Variants in PCDHGB6 observed in about 807,000 individuals in gnomAD.
The protein encoded by PCDHGB6 is protocadherin gamma-B6.
In PCDHGB6, 51 loss-of-function variants were observed where a neutral mutation model predicts 59.1. That is an observed-to-expected ratio of 0.86 (90% CI 0.69 to 1.09). PCDHGB6 has a LOEUF of 1.09. Ranked by LOEUF, PCDHGB6 falls within the 50% of genes least tolerant of loss-of-function variation. The pLI is 0.00. For synonymous variants in PCDHGB6, 466 were observed against 495.1 expected (o/e 0.94, Z 0.78); for missense variants, 1,148 against 1,205.1 (o/e 0.95, Z 0.70).
At chr5:141,504,483 AGGCACC>A (rs2099838618) in intron 2 of PCDHGB6, among the ~76,000 whole-genome samples, 1 of 151,954 alleles carries the variant, frequency 6.6e-6, no homozygotes, top group Non-Finnish European at 1.5e-5. Flanking sequence ...AGTACAGTGG[AGGCACC>A]TGCCCAGTCT....
Position 141,485,418 on chromosome 5 carries a change from G to A in PCDHGB6, c.2419-9389G>A. ...CACTTCCGTGTGGATTTGGACAGCG[G>A]AGCCCTGCTCATCAAGAACCCAATC... On this transcript the variant is annotated intron_variant, in intron 1 of 3. Transcript: ENST00000520790. This position sits in a 1 kb window ranked among gnomAD's most constrained non-coding sequence, Gnocchi z 5.7. 6.2e-7 allele frequency: 1 copy of A among 1,614,174 alleles called. No homozygotes were observed. The highest frequency in any genetic ancestry group is 8.5e-7 in the Non-Finnish European group (1 of 1,180,042).
intron 1 of PCDHGB6, among the ~76,000 whole-genome samples, chr5:141,457,755 A>G (rs1011599369): frequency 2.0e-5 from 3 of 152,226 alleles, no homozygotes; most frequent in African/African-American, 4.8e-5. Flanking sequence ...GAGCCCAGAC[A>G]TGGGTTTGTA....
In PCDHGB6 at chr5:141,476,336, C is replaced by A; in HGVS notation, c.2419-18471C>A. 18 of 1,614,008 alleles carry A rather than the reference C, an allele frequency of 1.1e-5. No homozygotes were observed. Among genetic ancestry groups the A allele is most frequent in the Non-Finnish European group, 1.5e-5 (18 of 1,180,008 alleles). ...GTTCCGGGTGGTGTCTGGAGCTAGC[C>A]GAAGATTCTTTGAGGTGAACCGGGA... On this transcript the variant is annotated intron_variant, in intron 1 of 3. Coordinates refer to ENST00000520790, the MANE Select transcript of PCDHGB6 (RefSeq NM_018926.3). The surrounding 1 kb of genome is among the most constrained non-coding windows in gnomAD (Gnocchi z 7.6).
intron 1 of PCDHGB6, chr5:141,427,665 G>A (rs763897261): frequency 1.3e-5 from 10 of 782,298 alleles, no homozygotes; most frequent in Admixed American, 3.9e-5. Flanking sequence ...CCACGTGGCC[G>A]AAAACAACCT....
In PCDHGB6 at chr5:141,505,352, C is replaced by T. The variant is rs371829394; in HGVS notation, c.2478-41C>T. 1.5e-5 allele frequency: 25 copies of T among 1,613,302 alleles called. No individual in the cohort carries two copies. In the South Asian group the frequency reaches 2.7e-4, roughly 18 times the overall value. ...AGGACAGGAGGGGCATGAGCTGTGCCGGCCTGGGAGTCTGTGCTCACCATC... is the reference window on the plus strand; with the variant it reads ...AGGACAGGAGGGGCATGAGCTGTGCTGGCCTGGGAGTCTGTGCTCACCATC... On this transcript the variant is annotated intron_variant, in intron 2 of 3. Transcript: ENST00000520790.
chr5:141,433,564 G>A (rs1380905062), intron 1 of PCDHGB6, among the ~76,000 whole-genome samples: 1 of 152,042 alleles, frequency 6.6e-6, no homozygotes, highest in Non-Finnish European at 1.5e-5. Flanking sequence ...GGCTGGGCGC[G>A]GTGGCTCACG....
intron 1 of PCDHGB6, chr5:141,433,086 C>A (rs747501244): frequency 1.9e-6 from 3 of 1,614,208 alleles, no homozygotes; most frequent in African/African-American, 2.7e-5. Context: ...CCCAACTATG[C>A]AGACATGCTC....
rs377138746 is a variant in PCDHGB6, at chr5:141,432,481, C to A, written c.2418+21861C>A. Reference sequence around the variant, plus strand: ...CCCTCCCCACGGACGGTTCCACTGGCGTGGAGCTGGCTCCCCGCTCCGCAG... The same window carrying A: ...CCCTCCCCACGGACGGTTCCACTGGAGTGGAGCTGGCTCCCCGCTCCGCAG... On this transcript the variant is annotated intron_variant, in intron 1 of 3. Transcript: ENST00000520790. This position sits in a 1 kb window ranked among gnomAD's most constrained non-coding sequence, Gnocchi z 6.0. 6.2e-7 allele frequency: 1 copy of A among 1,614,080 alleles called. No individual in the cohort carries two copies.
chr5:141,499,268 G>C (rs564234341), intron 2 of PCDHGB6, among the ~76,000 whole-genome samples: 1 of 152,224 alleles, frequency 6.6e-6, no homozygotes, highest in South Asian at 2.1e-4. Flanking sequence ...TTGGTCCCTA[G>C]ACTGTTCTCT....
Position 141,485,713 on chromosome 5 carries a change from G to T in PCDHGB6, c.2419-9094G>T. On this transcript the variant is annotated intron_variant, in intron 1 of 3. Transcript: ENST00000520790. The surrounding 1 kb of genome is among the most constrained non-coding windows in gnomAD (Gnocchi z 5.7). ...TGAGCTCCAATGAACACTTTGCACT[G>T]GATGTGAAGAAGCGCAGCGACGGCA... 1 of 1,614,202 alleles carries T rather than the reference G, an allele frequency of 6.2e-7. No individual in the cohort carries two copies. The highest frequency in any genetic ancestry group is 8.5e-7 in the Non-Finnish European group (1 of 1,180,038).
intron 1 of PCDHGB6, among the ~76,000 whole-genome samples, chr5:141,470,825 C>A (rs557419577): frequency 6.6e-6 from 1 of 152,182 alleles, no homozygotes; most frequent in Admixed American, 6.5e-5. Context: ...GTAGTTAGGA[C>A]GACAAACACA....
chr5:141,511,419 G>A lies in PCDHGB6; in HGVS notation c.*246G>A, dbSNP rs1437533706. On this transcript the variant is annotated 3_prime_UTR_variant, in exon 4 of 4. Coordinates refer to ENST00000520790, the MANE Select transcript of PCDHGB6 (RefSeq NM_018926.3). Reference sequence around the variant, plus strand: ...ATCCAATCAACTGCTGTACCCATGGGGGTAGTGGGGTTACTGTAGACACCA... The same window carrying A: ...ATCCAATCAACTGCTGTACCCATGGAGGTAGTGGGGTTACTGTAGACACCA... 1.2e-6 allele frequency: 1 copy of A among 830,454 alleles called. No individual in the cohort carries two copies. The highest frequency in any genetic ancestry group is 1.7e-5 in the African/African-American group (1 of 58,076). 51.4% of individuals were successfully genotyped at this position (830,454 alleles called of 1,614,324 possible).
At chr5:141,510,887 G>C (rs2099883217) in intron 3 of PCDHGB6, 60 bp from the exon 4 acceptor site, 2 of 1,612,600 alleles carry the variant, frequency 1.2e-6, no homozygotes, top group East Asian at 4.5e-5. Context: ...GGGGATATAA[G>C]ACAGTGACTG....
chr5:141,507,861 C>G (rs538942097), intron 3 of PCDHGB6, among the ~76,000 whole-genome samples: 6 of 152,306 alleles, frequency 3.9e-5, no homozygotes, highest in South Asian at 4.1e-4. Flanking sequence ...CTTTCACACC[C>G]GCTTCCTAGC....
chr5:141,490,042 G>A lies in PCDHGB6; in HGVS notation c.2419-4765G>A. On this transcript the variant is annotated intron_variant, in intron 1 of 3. Transcript: ENST00000520790. This position sits in a 1 kb window ranked among gnomAD's most constrained non-coding sequence, Gnocchi z 5.4. ...TCTGCTGCTCCGCCTCAATGCCACT[G>A]ATCCAGACGAGGGCACCAACGGCCA... The A allele has an allele frequency of 6.2e-7, 1 of 1,614,266 alleles. No homozygotes were observed. Among genetic ancestry groups the A allele is most frequent in the Non-Finnish European group, 8.5e-7 (1 of 1,180,038 alleles).
intron 1 of PCDHGB6, among the ~76,000 whole-genome samples, chr5:141,429,706 T>G (rs191069331): frequency 7.6e-4 from 116 of 152,354 alleles, no homozygotes; most frequent in African/African-American, 2.5e-3. Flanking sequence ...ACAGTATAAA[T>G]ATTTACGCTC....
intron 1 of PCDHGB6, chr5:141,417,759 C>T: frequency 7.0e-7 from 1 of 1,437,100 alleles, no homozygotes; most frequent in South Asian, 1.5e-5. Flanking sequence ...AGCTCCGAGA[C>T]CCGGGACTCC....
chr5:141,418,095 C>T, intron 1 of PCDHGB6: 1 of 1,614,006 alleles, frequency 6.2e-7, no homozygotes, highest in Non-Finnish European at 8.5e-7. Context: ...AGCGTAGACG[C>T]GCAGAGCGGG....
rs141397385 is a variant in PCDHGB6 at position 141,476,135 on chromosome 5, A to C, written c.2419-18672A>C. 8.4e-4 allele frequency: 1,352 copies of C among 1,608,526 alleles called. 1 individual carries two copies. Among genetic ancestry groups the C allele is most frequent in the Non-Finnish European group, 1.1e-3 (1,319 of 1,178,332 alleles). On this transcript the variant is annotated intron_variant, in intron 1 of 3. Transcript: ENST00000520790. This position sits in a 1 kb window ranked among gnomAD's most constrained non-coding sequence, Gnocchi z 7.6. ...GAGTGAGATGGTCCCAGAGGCCTGG[A>C]GGAGCGGACTGGTAAGCACCGGGAG...
Sources: allele counts gnomAD v4.1 joint callset (sites outside exome capture counted in the v4.1 genomes callset), GRCh38; gene constraint gnomAD v4.1.1; non-coding constraint Gnocchi (gnomAD v3.1); transcripts MANE v1.5; gene names NCBI Gene and HGNC (gene_info 2026-07-23, HGNC 2026-07-21).